The following CTNNA1 variants were observed in gnomAD, a reference collection of about 807,000 sequenced individuals.
CTNNA1 encodes catenin alpha-1.
Under a neutral mutation model 98.4 loss-of-function variants are expected in CTNNA1, and 37 were observed. That is an observed-to-expected ratio of 0.38 (90% CI 0.29 to 0.49). The LOEUF is 0.49. Ranked by LOEUF, CTNNA1 falls within the 20% of genes least tolerant of loss-of-function variation. CTNNA1 has a pLI of 0.95. For synonymous variants in CTNNA1, 404 were observed against 413.2 expected, an observed-to-expected ratio of 0.98 and a Z score of 0.27; for missense variants, 761 against 1,147.2, an observed-to-expected ratio of 0.66 and a Z score of 4.86.
At chr5:138,758,063 A>G (rs755236335) in intron 1 of CTNNA1, among the ~76,000 whole-genome samples, 1 of 150,996 alleles carries the variant, frequency 6.6e-6, no homozygotes, top group Admixed American at 6.6e-5. Flanking sequence ...CTGGAGTGCA[A>G]TGGCGTGATG....
intron 11 of CTNNA1, among the ~76,000 whole-genome samples, chr5:138,919,045 T>G (rs191795416): frequency 6.6e-6 from 1 of 152,332 alleles, no homozygotes; most frequent in Non-Finnish European, 1.5e-5. Flanking sequence ...GCAAGCCATC[T>G]GTAAACTGCA....
chr5:138,921,615 T>TTTC (rs1762932665), intron 11 of CTNNA1, among the ~76,000 whole-genome samples: 2 of 148,302 alleles, frequency 1.3e-5, no homozygotes, highest in Admixed American at 1.3e-4. Context: ...TTTTTTTTTT[T>TTTC]TTTTGAGATG....
At chr5:138,816,956 C>T (rs527824984) in intron 5 of CTNNA1, among the ~76,000 whole-genome samples, 2 of 152,196 alleles carry the variant, frequency 1.3e-5, no homozygotes, top group Admixed American at 6.5e-5. Context: ...CTGCCTTGGC[C>T]TCCCAGAGTG....
chr5:138,929,012 C>G (rs1239980856), intron 13 of CTNNA1, among the ~76,000 whole-genome samples: 1 of 152,168 alleles, frequency 6.6e-6, no homozygotes, highest in African/African-American at 2.4e-5. Flanking sequence ...GCCCCACACA[C>G]AGTGAAACCA....
intron 5 of CTNNA1, among the ~76,000 whole-genome samples, chr5:138,822,932 TA>T (rs893077713): frequency 6.6e-6 from 1 of 152,250 alleles, no homozygotes; most frequent in African/African-American, 2.4e-5. Context: ...GATGAACCAC[TA>T]AATAGCTAAG....
chr5:138,882,537 C>T (rs560683165), intron 7 of CTNNA1, among the ~76,000 whole-genome samples: 9 of 152,274 alleles, frequency 5.9e-5, no homozygotes, highest in African/African-American at 7.2e-5. Context: ...ATATTTGTTT[C>T]GTGCAGTCAG....
In CTNNA1 at chr5:138,886,262, G is replaced by T; in HGVS notation, c.1113G>T (p.Met371Ile). The change falls in exon 8 of 18, where the codon ATG (methionine) becomes ATT (isoleucine). Residue 371 changes from methionine (M) to isoleucine (I), a missense_variant. Met to Ile is a conservative substitution (Grantham distance 10, BLOSUM62 1). This residue lies in a region of CTNNA1 where 287 missense variants were observed against 436.0 expected (regional missense o/e 0.66). Transcript: ENST00000302763. ...SDALNSAIDK[M>I]TKKTRDLRRQ... The stretch of plus-strand genomic sequence containing the variant: ...CACTCAATTCTGCAATAGATAAAAT[G>T]ACCAAGAAGACCAGGGACTTGCGTA... 2.5e-6 allele frequency: 4 copies of T among 1,610,742 alleles called. No homozygotes were observed. In the South Asian group the frequency reaches 3.3e-5, roughly 13 times the overall value.
chr5:138,788,658 A>G (rs1755986400), intron 3 of CTNNA1, among the ~76,000 whole-genome samples: 4 of 152,342 alleles, frequency 2.6e-5, no homozygotes, highest in Admixed American at 2.0e-4. Context: ...TATTTTATGA[A>G]TCCTTGAATA....
chr5:138,835,353 G>T (rs1419102679), intron 7 of CTNNA1, among the ~76,000 whole-genome samples: 1 of 152,174 alleles, frequency 6.6e-6, no homozygotes, highest in Non-Finnish European at 1.5e-5. Context: ...TGGTTTGCAG[G>T]TACAGAGGCT....
intron 9 of CTNNA1, among the ~76,000 whole-genome samples, chr5:138,888,103 A>G (rs288024): frequency 0.26 from 39,247 of 152,092 alleles, 5,336 homozygotes; most frequent in Middle Eastern, 0.31. Context: ...ATGTATGTCA[A>G]ATGCTTAGCT....
chr5:138,787,375 G>A (rs1351075084), intron 3 of CTNNA1, among the ~76,000 whole-genome samples: 3 of 151,970 alleles, frequency 2.0e-5, no homozygotes, highest in Non-Finnish European at 4.4e-5. Flanking sequence ...CCGAGACCGT[G>A]CCACTGCACT....
chr5:138,874,032 A>G lies in CTNNA1; in HGVS notation c.1063-12180A>G, dbSNP rs374750152. On this transcript the variant is annotated intron_variant, in intron 7 of 17. Coordinates refer to ENST00000302763, the MANE Select transcript of CTNNA1 (RefSeq NM_001903.5). The surrounding 1 kb of genome is among the most constrained non-coding windows in gnomAD (Gnocchi z 4.1). Reference sequence around the variant, plus strand: ...AACTCCAGACTACGACAGTCCCAGAACAGGCGTACTGGGATAGTCCGCAGG... The same window carrying G: ...AACTCCAGACTACGACAGTCCCAGAGCAGGCGTACTGGGATAGTCCGCAGG... 1.2e-6 allele frequency: 2 copies of G among 1,613,900 alleles called. No individual in the cohort carries two copies. The highest frequency in any genetic ancestry group is 1.7e-6 in the Non-Finnish European group (2 of 1,179,900).
intron 7 of CTNNA1, among the ~76,000 whole-genome samples, chr5:138,849,630 C>T (rs1347961214): frequency 6.6e-6 from 1 of 152,156 alleles, no homozygotes; most frequent in South Asian, 2.1e-4. Context: ...CACTCCACTT[C>T]AGGAGATGTG....
chr5:138,792,312 T>C (rs1296127917), intron 3 of CTNNA1, among the ~76,000 whole-genome samples: 1 of 152,206 alleles, frequency 6.6e-6, no homozygotes, highest in Non-Finnish European at 1.5e-5. Flanking sequence ...GCTGTCAGGC[T>C]CTTGAGGCAT....
chr5:138,862,557 A>G (rs927296848), intron 7 of CTNNA1, among the ~76,000 whole-genome samples: 6 of 152,232 alleles, frequency 3.9e-5, no homozygotes, highest in African/African-American at 9.6e-5. Context: ...TTAAGTGACT[A>G]CCTTATTCAG....
chr5:138,866,314 A>AT (rs1421107904), intron 7 of CTNNA1, among the ~76,000 whole-genome samples: 12 of 147,820 alleles, frequency 8.1e-5, no homozygotes, highest in African/African-American at 3.0e-4. Context: ...TTATTTATTT[A>AT]TTTATTTATT....
intron 7 of CTNNA1, chr5:138,871,075 G>A (rs1231265402): frequency 1.3e-5 from 2 of 151,976 alleles, no homozygotes; most frequent in Non-Finnish European, 2.9e-5. Flanking sequence ...GGGTACTAAG[G>A]TACCCATCTC....
intron 7 of CTNNA1, among the ~76,000 whole-genome samples, chr5:138,851,353 A>T (rs917984053): frequency 1.7e-4 from 26 of 152,166 alleles, no homozygotes; most frequent in African/African-American, 6.3e-4. Flanking sequence ...GCAGCTAGTC[A>T]TCATAGAAGG....
At chr5:138,877,441 C>CTTT (rs70982737) in intron 7 of CTNNA1, among the ~76,000 whole-genome samples, 9 of 136,806 alleles carry the variant, frequency 6.6e-5, no homozygotes, top group Non-Finnish European at 9.5e-5. Flanking sequence ...TCTTAAATTT[C>CTTT]TTTTTTTTTT....
Sources: gnomAD v4.1 joint callset for allele counts (sites outside exome capture counted in the v4.1 genomes callset) on GRCh38, gnomAD v4.1.1 for gene constraint, gnomAD v4.1.1 regional missense constraint, Gnocchi (gnomAD v3.1) non-coding constraint, MANE v1.5 for transcripts, NCBI Gene and HGNC (gene_info 2026-07-23, HGNC 2026-07-21) for gene names.